PITPNC1: variants seen among roughly 807,000 people sequenced by gnomAD.
PITPNC1 encodes phosphatidylinositol transfer protein cytoplasmic 1, also known as cytoplasmic phosphatidylinositol transfer protein 1.
PITPNC1 carries 18 observed loss-of-function variants against 44.7 expected under a neutral mutation model. The observed-to-expected ratio is 0.40, with a 90% CI of 0.28 to 0.60. PITPNC1 has a LOEUF of 0.60. Ranked by LOEUF, PITPNC1 falls within the 20% of genes least tolerant of loss-of-function variation. The probability of loss-of-function intolerance (pLI) is 0.39; values close to 1 mark genes in which losing one functional copy is unlikely to be tolerated. For synonymous variants in PITPNC1, 141 were observed against 149.6 expected (o/e 0.94, Z 0.42); for missense variants, 290 against 418.4 (o/e 0.69, Z 2.68).
At position 67,566,968 on chromosome 17, in the gene PITPNC1, T is replaced by C. The variant is rs544630939; in HGVS notation, c.295-11218T>C. 5.9e-5 allele frequency among the ~76,000 whole-genome samples: 9 copies of C among 152,380 alleles called. No homozygotes were observed. The East Asian group carries it at 1.5e-3, about 26-fold the overall frequency. ...ACTGTTGGACCTTTCCGTGCCTTTG[T>C]TTCTTCATCTGTAAAATGGGGATGT... is the stretch of plus-strand genomic sequence containing the variant. On this transcript the variant is annotated intron_variant, in intron 4 of 8. Coordinates refer to ENST00000581322, the MANE Select transcript of PITPNC1 (RefSeq NM_012417.4).
chr17:67,496,692 C>T (rs1165902471), intron 1 of PITPNC1, among the ~76,000 whole-genome samples: 1 of 152,048 alleles, frequency 6.6e-6, no homozygotes, highest in African/African-American at 2.4e-5. Context: ...ACCCCAGACT[C>T]ATACATGGTG....
intron 1 of PITPNC1, among the ~76,000 whole-genome samples, chr17:67,463,248 G>A (rs191487022): frequency 1.3e-5 from 2 of 152,240 alleles, no homozygotes; most frequent in Middle Eastern, 3.4e-3. Context: ...AATATGGATG[G>A]TGTTTCTTTG....
chr17:67,625,688 T>C (rs771692560), intron 5 of PITPNC1, among the ~76,000 whole-genome samples: 18 of 152,052 alleles, frequency 1.2e-4, no homozygotes, highest in Non-Finnish European at 2.1e-4. Context: ...ACCACCCAAG[T>C]TGGCTGACTG....
chr17:67,641,914 A>G (rs1369252137), intron 6 of PITPNC1, among the ~76,000 whole-genome samples: 1 of 152,142 alleles, frequency 6.6e-6, no homozygotes, highest in Non-Finnish European at 1.5e-5. Context: ...TGCAAGAAAC[A>G]GCCATAGATA....
rs1296694709 is a variant in PITPNC1 at position 67,694,707 on chromosome 17, A to G, written c.*1819A>G. ...GTATCTCTTCCCTAAGAATGATAGTATCTTAGTAAGACACCTTCTATGCAT... is the reference window on the plus strand; with the variant it reads ...GTATCTCTTCCCTAAGAATGATAGTGTCTTAGTAAGACACCTTCTATGCAT... On this transcript the variant is annotated 3_prime_UTR_variant, in exon 9 of 9. Coordinates refer to ENST00000581322, the MANE Select transcript of PITPNC1 (RefSeq NM_012417.4). The G allele has an allele frequency of 6.6e-6, 1 of 152,234 alleles. No individual in the cohort carries two copies. The highest frequency in any genetic ancestry group is 1.5e-5 in the Non-Finnish European group (1 of 68,034). The allele number at this position is 152,234 out of a possible 1,614,324, so 9.4% of individuals were successfully genotyped here.
At chr17:67,388,636 C>T (rs1205849537) in intron 1 of PITPNC1, among the ~76,000 whole-genome samples, 3 of 150,626 alleles carry the variant, frequency 2.0e-5, no homozygotes, top group Non-Finnish European at 4.4e-5. Context: ...GTTTTTTACT[C>T]TGAGACATAG....
intron 1 of PITPNC1, among the ~76,000 whole-genome samples, chr17:67,430,692 A>G (rs944847057): frequency 4.2e-5 from 6 of 142,790 alleles, no homozygotes; most frequent in Non-Finnish European, 9.3e-5. Flanking sequence ...GGTGGTGCAC[A>G]CCTGTCGTCC....
At chr17:67,670,807 T>C (rs961789795) in intron 7 of PITPNC1, among the ~76,000 whole-genome samples, 4 of 152,038 alleles carry the variant, frequency 2.6e-5, no homozygotes, top group Non-Finnish European at 5.9e-5. Context: ...AAATAATTGT[T>C]AACAGCCTCG....
chr17:67,470,562 G>A (rs186030513), intron 1 of PITPNC1, among the ~76,000 whole-genome samples: 15 of 144,552 alleles, frequency 1.0e-4, no homozygotes, highest in African/African-American at 1.5e-4. Context: ...CATATTCCCC[G>A]TCCGGGAGGG....
rs1386197600 is a variant in PITPNC1 at position 67,425,186 on chromosome 17, T to TGCGCGCGCGCGCGCGCGCGC, written c.48+46992_48+46993insGCGCGCGCGCGCGCGCGCGC. Among the ~76,000 whole-genome samples, 8 of 55,722 alleles carry TGCGCGCGCGCGCGCGCGCGC rather than the reference T, an allele frequency of 1.4e-4. 1 individual carries two copies. The highest frequency in any genetic ancestry group is 8.0e-4 in the Admixed American group (4 of 5,022). 36.6% of individuals were successfully genotyped at this position (55,722 alleles called of 152,430 possible). ...CCAGGTGAAATAAACAGCCATGTTG[T>TGCGCGCGCGCGCGCGCGCGC]GCGCGCGCACGCACACGCACACACA... On this transcript the variant is annotated intron_variant, in intron 1 of 8. Coordinates refer to ENST00000581322, the MANE Select transcript of PITPNC1 (RefSeq NM_012417.4).
chr17:67,382,958 G>A (rs2037986583), intron 1 of PITPNC1, among the ~76,000 whole-genome samples: 1 of 151,856 alleles, frequency 6.6e-6, no homozygotes, highest in Non-Finnish European at 1.5e-5. Context: ...AAGGCGTATT[G>A]GAGATGATTT....
In PITPNC1 at chr17:67,618,803, A is replaced by T. The variant is rs1180730864; in HGVS notation, c.367-13340A>T. Reference sequence around the variant, plus strand: ...GCCGGGCGCGGTGGCTCATGCCTGTAATCCCAGCACTTTGGGAGGCCGAGA... The same window carrying T: ...GCCGGGCGCGGTGGCTCATGCCTGTTATCCCAGCACTTTGGGAGGCCGAGA... On this transcript the variant is annotated intron_variant, in intron 5 of 8. Transcript: ENST00000581322. 2.0e-5 allele frequency among the ~76,000 whole-genome samples: 3 copies of T among 152,234 alleles called. No homozygotes were observed. The East Asian group carries it at 5.8e-4, about 29-fold the overall frequency.
chr17:67,478,420 A>G (rs375246109), intron 1 of PITPNC1, among the ~76,000 whole-genome samples: 1 of 152,086 alleles, frequency 6.6e-6, no homozygotes, highest in Non-Finnish European at 1.5e-5. Context: ...TCCCTGTTCA[A>G]CCTCTTTTCG....
chr17:67,380,235 T>G (rs2037937737), intron 1 of PITPNC1, among the ~76,000 whole-genome samples: 1 of 152,004 alleles, frequency 6.6e-6, no homozygotes, highest in Non-Finnish European at 1.5e-5. Flanking sequence ...CCACCACGTC[T>G]GGCTAATTTT....
chr17:67,538,295 C>T (rs536943947), intron 2 of PITPNC1, among the ~76,000 whole-genome samples: 1 of 152,146 alleles, frequency 6.6e-6, no homozygotes, highest in African/African-American at 2.4e-5. Flanking sequence ...CTCCTTCACA[C>T]TACACACACA....
At chr17:67,653,956 G>C (rs768901950) in intron 6 of PITPNC1, among the ~76,000 whole-genome samples, 1 of 152,186 alleles carries the variant, frequency 6.6e-6, no homozygotes, top group African/African-American at 2.4e-5. Flanking sequence ...CTGCCATTGG[G>C]AGGTGGCTGC....
rs1360797387 is a variant in PITPNC1, at chr17:67,460,426, C to CT, written c.49-72374dup. Among the ~76,000 whole-genome samples, 280 of 151,846 alleles carry CT rather than the reference C, an allele frequency of 1.8e-3. 1 individual carries two copies. The highest frequency in any genetic ancestry group is 0.014 in the Middle Eastern group (4 of 294). On this transcript the variant is annotated intron_variant, in intron 1 of 8. Transcript: ENST00000581322. The stretch of plus-strand genomic sequence containing the variant: ...TCCCCATCAGTGTGACCAAAATTTT[C>CT]TTGTTTTTTTTTTTTGAAACAGAGT...
At chr17:67,426,194 G>T (rs1313108617) in intron 1 of PITPNC1, among the ~76,000 whole-genome samples, 1 of 152,190 alleles carries the variant, frequency 6.6e-6, no homozygotes, top group African/African-American at 2.4e-5. Flanking sequence ...GTGGAAGACA[G>T]TATGGGGATT....
intron 6 of PITPNC1, among the ~76,000 whole-genome samples, chr17:67,647,517 T>A (rs1263264133): frequency 7.2e-6 from 1 of 139,710 alleles, no homozygotes; most frequent in East Asian, 2.1e-4. Flanking sequence ...TTCACCATGT[T>A]AGGTTTCCCA....
Sources: gnomAD v4.1 joint callset for allele counts (sites outside exome capture counted in the v4.1 genomes callset) on GRCh38, gnomAD v4.1.1 for gene constraint, MANE v1.5 for transcripts, NCBI Gene and HGNC (gene_info 2026-07-23, HGNC 2026-07-21) for gene names.